Variants in KIF21A observed in about 807,000 individuals in gnomAD.
KIF21A encodes the protein kinesin family member 21A, also known as kinesin-like protein KIF21A.
Under a neutral mutation model 202.9 loss-of-function variants are expected in KIF21A, and 114 were observed. The observed-to-expected ratio is 0.56, with a 90% CI of 0.48 to 0.66. The LOEUF is 0.66. Among genes scored for constraint, KIF21A ranks in the 30% least tolerant of loss-of-function variants. KIF21A has a pLI of 0.00. For synonymous variants in KIF21A, 667 were observed against 670.8 expected (o/e 0.99, Z 0.09); for missense variants, 1,677 against 1,994.9 (o/e 0.84, Z 3.04).
At chr12:39,422,026 T>C (rs376518268) in intron 1 of KIF21A, among the ~76,000 whole-genome samples, 1 of 151,838 alleles carries the variant, frequency 6.6e-6, no homozygotes, top group Non-Finnish European at 1.5e-5. Context: ...GGCGCCATCA[T>C]AGCTCACTGC....
At chr12:39,378,392 T>C (rs531882453) in intron 1 of KIF21A, among the ~76,000 whole-genome samples, 27 of 152,100 alleles carry the variant, frequency 1.8e-4, no homozygotes, top group African/African-American at 6.0e-4. Context: ...AGAAAAAAAA[T>C]AGTCAAATTC....
intron 11 of KIF21A, among the ~76,000 whole-genome samples, chr12:39,346,731 T>C (rs1331416640): frequency 3.9e-5 from 6 of 152,002 alleles, no homozygotes; most frequent in Non-Finnish European, 7.4e-5. Flanking sequence ...GAAGAGTATA[T>C]AGACTATCAG....
chr12:39,336,756 T>C (rs890004473), intron 17 of KIF21A, among the ~76,000 whole-genome samples: 1 of 152,154 alleles, frequency 6.6e-6, no homozygotes, highest in African/African-American at 2.4e-5. Context: ...TAAAACATTC[T>C]TCAGAACCAT....
At chr12:39,414,827 G>T (rs1407870759) in intron 1 of KIF21A, among the ~76,000 whole-genome samples, 1 of 152,000 alleles carries the variant, frequency 6.6e-6, no homozygotes, top group African/African-American at 2.4e-5. Flanking sequence ...TCACTGTTCT[G>T]AATACTGGGG....
intron 35 of KIF21A, among the ~76,000 whole-genome samples, 178 bp downstream of exon 35, chr12:39,304,643 C>T (rs1473426110): frequency 2.0e-5 from 3 of 151,878 alleles, no homozygotes; most frequent in African/African-American, 4.8e-5. Flanking sequence ...AGTGAGAATG[C>T]ATGATTGAAC....
In KIF21A at chr12:39,351,863, G is replaced by A; in HGVS notation, c.1587C>T (p.Ser529=). The A allele has an allele frequency of 1.9e-6, 3 of 1,609,688 alleles. No individual in the cohort carries two copies. Among genetic ancestry groups the A allele is most frequent in the Non-Finnish European group, 2.6e-6 (3 of 1,176,406 alleles). Residue 529 remains serine, a synonymous_variant, in exon 11 of 38, where the codon TCC becomes TCT. Coordinates refer to ENST00000361418, the MANE Select transcript of KIF21A (RefSeq NM_001173464.2). ...TAATTTCAATGGTTTCTTTGTCTGA[G>A]GATAGTATGGTAGGAGAAAAAGTTG... is the stretch of plus-strand genomic sequence containing the variant. ...GSSTFSPTIL[S]SDKETIEIID...
chr12:39,436,425 T>TATATAG (rs1938716545), intron 1 of KIF21A, among the ~76,000 whole-genome samples: 2 of 109,882 alleles, frequency 1.8e-5, no homozygotes, highest in African/African-American at 8.6e-5. Context: ...TACTATATTA[T>TATATAG]ATATATATAT....
intron 12 of KIF21A, among the ~76,000 whole-genome samples, chr12:39,343,358 T>C (rs1190646550): frequency 6.6e-6 from 1 of 151,986 alleles, no homozygotes; most frequent in Non-Finnish European, 1.5e-5. Flanking sequence ...AGACTCTGTC[T>C]CAAAAATAAA....
intron 11 of KIF21A, among the ~76,000 whole-genome samples, chr12:39,348,474 C>T (rs893946867): frequency 4.7e-4 from 71 of 152,152 alleles, no homozygotes; most frequent in African/African-American, 7.9e-4. Context: ...TACAGACTGA[C>T]GCAGAAGAAG....
At chr12:39,296,593 A>G (rs1240842190) in intron 37 of KIF21A, among the ~76,000 whole-genome samples, 2 of 152,226 alleles carry the variant, frequency 1.3e-5, no homozygotes, top group African/African-American at 4.8e-5. Flanking sequence ...ACAATTTTAA[A>G]TAAAATGGCC....
intron 1 of KIF21A, among the ~76,000 whole-genome samples, chr12:39,403,558 A>G (rs1952345932): frequency 3.9e-5 from 6 of 152,196 alleles, no homozygotes; most frequent in Admixed American, 3.9e-4. Flanking sequence ...TATTAGCTAC[A>G]TGACCTAGGG....
intron 1 of KIF21A, among the ~76,000 whole-genome samples, chr12:39,441,687 A>G (rs1342113679): frequency 6.7e-6 from 1 of 148,758 alleles, no homozygotes; most frequent in Non-Finnish European, 1.5e-5. Context: ...AAAACACTTA[A>G]AAACTCATTT....
At chr12:39,335,289 G>A (rs895085344) in intron 17 of KIF21A, among the ~76,000 whole-genome samples, 2 of 151,828 alleles carry the variant, frequency 1.3e-5, no homozygotes, top group Non-Finnish European at 2.9e-5. Context: ...GTGCATGCCT[G>A]TAGTCCCAGC....
At chr12:39,435,013 T>C (rs1171370844) in intron 1 of KIF21A, among the ~76,000 whole-genome samples, 9 of 152,190 alleles carry the variant, frequency 5.9e-5, no homozygotes, top group Non-Finnish European at 1.3e-4. Context: ...CTCTCCAAAG[T>C]TGAGAATAAT....
chr12:39,296,071 C>CT lies in KIF21A; in HGVS notation c.4932-1555dup, dbSNP rs34130884. On this transcript the variant is annotated intron_variant, in intron 37 of 37. Coordinates refer to ENST00000361418, the MANE Select transcript of KIF21A (RefSeq NM_001173464.2). ...AAGCATTCTAAGTGCTTGGGATACG[C>CT]TTTTTTTTTTTTTTTTAAACAGAGT... is the stretch of plus-strand genomic sequence containing the variant. 9.2e-3 allele frequency among the ~76,000 whole-genome samples: 1,006 copies of CT among 109,448 alleles called. 9 individuals are homozygous for CT. Among genetic ancestry groups the CT allele is most frequent in the Middle Eastern group, 0.025 (4 of 160 alleles). The allele number at this position is 109,448 out of a possible 152,430, so 71.8% of individuals were successfully genotyped here.
chr12:39,424,699 A>ATCTAGGTT lies in KIF21A; in HGVS notation c.44+18227_44+18228insAACCTAGA, dbSNP rs1954608742. Among the ~76,000 whole-genome samples the ATCTAGGTT allele has an allele frequency of 2.0e-5, 3 of 152,142 alleles. No individual in the cohort carries two copies. The South Asian group carries it at 6.2e-4, about 32-fold the overall frequency. On this transcript the variant is annotated intron_variant, in intron 1 of 37. Transcript: ENST00000361418. The stretch of plus-strand genomic sequence containing the variant: ...AGTCCTAACAGCTCTATCTCCCCAA[A>ATCTAGGTT]TCTACGTTTCACCATTTGTACTGTT...
chr12:39,396,579 T>C (rs771269337), intron 1 of KIF21A, among the ~76,000 whole-genome samples: 2 of 152,324 alleles, frequency 1.3e-5, no homozygotes, highest in East Asian at 3.9e-4. Flanking sequence ...TACACACGTA[T>C]ATATACTTGC....
Position 39,315,939 on chromosome 12 carries a change from C to A in KIF21A, c.3940G>T (p.Val1314Leu). The change falls in exon 30 of 38, where the codon GTA becomes TTA. Residue 1314 changes from valine to leucine, a missense_variant. By Grantham distance (32) the Val-to-Leu change is conservative. This residue lies in a region of KIF21A where 705 missense variants were observed against 791.9 expected (regional missense o/e 0.89). Transcript: ENST00000361418. ...AGGCAGGAAAGAAAGTACCTGTGTA[C>A]CTCCGAGAGAGAGGAGTCACTTTCA... Reference protein sequence around the residue: ...SDESDSSLSEVHRSSRRGIIN... With the variant: ...SDESDSSLSELHRSSRRGIIN... The A allele has an allele frequency of 6.2e-7, 1 of 1,605,046 alleles. No individual in the cohort carries two copies. The highest frequency in any genetic ancestry group is 8.5e-7 in the Non-Finnish European group (1 of 1,172,094).
intron 1 of KIF21A, among the ~76,000 whole-genome samples, chr12:39,438,792 A>G (rs1939170061): frequency 6.6e-6 from 1 of 152,214 alleles, no homozygotes; most frequent in Admixed American, 6.5e-5. Flanking sequence ...TGGAAAGGAA[A>G]AACATTTCAA....
Sources: allele counts gnomAD v4.1 joint callset (sites outside exome capture counted in the v4.1 genomes callset), GRCh38; gene constraint gnomAD v4.1.1; regional missense constraint gnomAD v4.1.1; transcripts MANE v1.5; gene names NCBI Gene and HGNC (gene_info 2026-07-23, HGNC 2026-07-21).